FECH: variants seen among roughly 807,000 people sequenced by gnomAD.
The protein encoded by FECH is ferrochelatase.
In FECH, 40 loss-of-function variants were observed where a neutral mutation model predicts 56.9. The ratio of observed to expected loss-of-function variants is 0.70; its 90% CI spans 0.55 to 0.92. The LOEUF (loss-of-function observed/expected upper bound fraction) is 0.92. Among genes scored for constraint, FECH ranks in the 40% least tolerant of loss-of-function variants. The probability of loss-of-function intolerance (pLI) is 0.00; values close to 1 mark genes in which losing one functional copy is unlikely to be tolerated. For synonymous variants in FECH, 175 were observed against 198.6 expected, an observed-to-expected ratio of 0.88 and a Z score of 1.00; for missense variants, 431 against 529.1, an observed-to-expected ratio of 0.81 and a Z score of 1.82.
rs2051383666 is a variant in FECH at position 57,586,688 on chromosome 18, G to A, written c.-68C>T. On this transcript the variant is annotated 5_prime_UTR_variant, in exon 1 of 11. Coordinates refer to ENST00000262093, the MANE Select transcript of FECH (RefSeq NM_000140.5). ...GGCGCGCCCAGGTGTCCGCCCAGCA[G>A]TGGCCGAGCCGGGTAGCGATCCCCA... The A allele has an allele frequency of 7.1e-7, 1 of 1,407,216 alleles. No homozygotes were observed. Among genetic ancestry groups the A allele is most frequent in the Non-Finnish European group, 9.4e-7 (1 of 1,063,388 alleles). 87.2% of individuals were successfully genotyped at this position (1,407,216 alleles called of 1,614,324 possible). A position where few individuals can be genotyped will look rare whatever the true frequency, so the allele number is the denominator to read the frequency against.
Position 57,586,592 on chromosome 18 carries a change from G to T in FECH, c.29C>A (p.Ala10Glu). ...CAGGACGCCCGCGGCGCGCAGGGCC[G>T]CAGCCATGTTTGCGCCGAGTGAACG... is the stretch of plus-strand genomic sequence containing the variant. MRSLGANMAAALRAAGVLLR... is the reference protein window; with the variant it reads MRSLGANMAEALRAAGVLLR... The change falls in exon 1 of 11, where the codon GCG (alanine) becomes GAG (glutamate). Residue 10 changes from alanine (A) to glutamate (E), a missense_variant. Transcript: ENST00000262093. The T allele has an allele frequency of 1.3e-6, 2 of 1,521,406 alleles. No individual in the cohort carries two copies. Among genetic ancestry groups the T allele is most frequent in the South Asian group, 2.4e-5 (2 of 82,478 alleles). 94.2% of individuals were successfully genotyped at this position (1,521,406 alleles called of 1,614,324 possible).
At chr18:57,568,795 G>C (rs1428424434) in intron 4 of FECH, among the ~76,000 whole-genome samples, 1 of 152,198 alleles carries the variant, frequency 6.6e-6, no homozygotes, top group African/African-American at 2.4e-5. Flanking sequence ...ATTTGTACAT[G>C]ATTTTTTGAA....
chr18:57,571,353 G>A, intron 4 of FECH, 39 bp downstream of exon 4: 3 of 1,602,710 alleles, frequency 1.9e-6, no homozygotes, highest in Non-Finnish European at 2.6e-6. Context: ...TACTTCGAAA[G>A]AACTAATCTA....
intron 7 of FECH, among the ~76,000 whole-genome samples, chr18:57,556,383 T>C (rs1228830701): frequency 6.6e-6 from 1 of 152,116 alleles, no homozygotes; most frequent in Non-Finnish European, 1.5e-5. Flanking sequence ...AATTTTAGGA[T>C]GGATCAACAC....
intron 2 of FECH, among the ~76,000 whole-genome samples, chr18:57,579,697 T>C (rs896732214): frequency 9.2e-5 from 14 of 152,340 alleles, no homozygotes; most frequent in African/African-American, 3.4e-4. Context: ...CCTATAGAAA[T>C]TCTTGGTAGA....
intron 4 of FECH, among the ~76,000 whole-genome samples, chr18:57,569,041 C>T (rs2051056540): frequency 6.6e-6 from 1 of 152,168 alleles, no homozygotes; most frequent in African/African-American, 2.4e-5. Context: ...AAGCCAACAC[C>T]ATCAGAGAAA....
At chr18:57,558,003 C>T (rs2050890016) in intron 7 of FECH, among the ~76,000 whole-genome samples, 2 of 152,176 alleles carry the variant, frequency 1.3e-5, no homozygotes, top group South Asian at 2.1e-4. Flanking sequence ...AGCCTCCTAC[C>T]GTCCACACGA....
intron 9 of FECH, among the ~76,000 whole-genome samples, 159 bp from the exon 10 acceptor site, chr18:57,551,533 T>C (rs1226560203): frequency 1.8e-4 from 28 of 152,224 alleles, no homozygotes; most frequent in Admixed American, 1.8e-3. Flanking sequence ...TGAAAAATAC[T>C]CATGGGGCAG....
intron 4 of FECH, among the ~76,000 whole-genome samples, chr18:57,570,025 TTGTTGTCGTGTGTGTG>T (rs1472186701): frequency 8.8e-6 from 1 of 113,402 alleles, no homozygotes; most frequent in Non-Finnish European, 1.9e-5. Context: ...GTTGTTGTTG[TTGTTGTCGTGTGTGTG>T]TGTGTGTGTG....
At chr18:57,571,688 A>G (rs2051113188) in intron 3 of FECH, 148 bp from the exon 4 acceptor site, 1 of 1,061,318 alleles carries the variant, frequency 9.4e-7, no homozygotes, top group Middle Eastern at 3.1e-4. Flanking sequence ...GGTCATTGAC[A>G]ATAGCCAGCT....
In FECH at chr18:57,580,576, C is replaced by T. The variant is rs1047272704; in HGVS notation, c.68-377G>A. 1.1e-4 allele frequency among the ~76,000 whole-genome samples: 17 copies of T among 152,296 alleles called. 1 individual carries two copies. Among genetic ancestry groups the T allele is most frequent in the African/African-American group, 3.8e-4 (16 of 41,560 alleles). On this transcript the variant is annotated intron_variant, in intron 1 of 10. Coordinates refer to ENST00000262093, the MANE Select transcript of FECH (RefSeq NM_000140.5). ...GGGCTGCAGAAAAGTGAAAAGCCGC[C>T]GATTTCGGGAGTGGCGAGTGGGCCA...
chr18:57,577,805 A>G (rs2051204442), intron 2 of FECH, among the ~76,000 whole-genome samples: 1 of 152,208 alleles, frequency 6.6e-6, no homozygotes, highest in African/African-American at 2.4e-5. Flanking sequence ...CTGTAATCCC[A>G]GCACTCTGGG....
Position 57,562,890 on chromosome 18 carries a change from T to A in FECH, c.689A>T (p.His230Leu). ...KWSTIDRWPT[H>L]HLLIQCFADH... is the part of the protein sequence containing the mutation. ...CTGGCTTACCTGGATGAGGAGGTGA[T>A]GTGTGGGCCACCTGTCAATAGTGCT... Residue 230 changes from histidine (H) to leucine (L), a missense_variant, in exon 6 of 11, where the codon CAT (histidine) becomes CTT (leucine). Physicochemically the swap from His to Leu is moderately conservative, Grantham distance 99. Coordinates refer to ENST00000262093, the MANE Select transcript of FECH (RefSeq NM_000140.5). 1 of 1,614,010 alleles carries A rather than the reference T, an allele frequency of 6.2e-7. No individual in the cohort carries two copies. Among genetic ancestry groups the A allele is most frequent in the Non-Finnish European group, 8.5e-7 (1 of 1,179,912 alleles).
chr18:57,582,757 CAAAAAAAA>C (rs572019088), intron 1 of FECH, among the ~76,000 whole-genome samples: 1 of 122,098 alleles, frequency 8.2e-6, no homozygotes, highest in Non-Finnish European at 1.8e-5. Context: ...ACTAAAAATA[CAAAAAAAA>C]AAAAAAAATT....
chr18:57,565,547 A>C (rs2051004992), intron 5 of FECH, among the ~76,000 whole-genome samples: 1 of 151,988 alleles, frequency 6.6e-6, no homozygotes, highest in Non-Finnish European at 1.5e-5. Context: ...TGGAGGTTGC[A>C]ATGACAGAGC....
rs567877087 is a variant in FECH, at chr18:57,554,250, G to A, written c.1077+10C>T. On this transcript the variant is annotated intron_variant, in intron 9 of 10. Transcript: ENST00000262093. ...GTCATGATGGGAAAAAGGCAGATGGGTGCATTTACCTCCTTGGCTAAAACT... is the reference window on the plus strand; with the variant it reads ...GTCATGATGGGAAAAAGGCAGATGGATGCATTTACCTCCTTGGCTAAAACT... 2.7e-5 allele frequency: 44 copies of A among 1,614,154 alleles called. No homozygotes were observed. In the South Asian group the frequency reaches 4.5e-4, roughly 17 times the overall value.
rs1275786205 is a variant in FECH, at chr18:57,562,875, T to C, written c.704A>G (p.Gln235Arg). ...GGCAGCTGGCAAGCACTGGCTTACCTGGATGAGGAGGTGATGTGTGGGCCA... is the reference window on the plus strand; with the variant it reads ...GGCAGCTGGCAAGCACTGGCTTACCCGGATGAGGAGGTGATGTGTGGGCCA... Reference protein sequence around the residue: ...DRWPTHHLLIQCFADHILKEL... With the variant: ...DRWPTHHLLIRCFADHILKEL... Residue 235 changes from glutamine to arginine, a missense_variant and splice_region_variant, in exon 6 of 11, where the codon CAG (glutamine) becomes CGG (arginine). Transcript: ENST00000262093. The C allele has an allele frequency of 6.2e-7, 1 of 1,613,632 alleles. No homozygotes were observed. Among genetic ancestry groups the C allele is most frequent in the Non-Finnish European group, 8.5e-7 (1 of 1,179,608 alleles).
At chr18:57,568,300 G>A (rs2051045314) in intron 4 of FECH, among the ~76,000 whole-genome samples, 1 of 152,200 alleles carries the variant, frequency 6.6e-6, no homozygotes, top group African/African-American at 2.4e-5. Flanking sequence ...TGCATACTAA[G>A]AGGTAGAAAG....
At chr18:57,557,024 A>T (rs1441115207) in intron 7 of FECH, among the ~76,000 whole-genome samples, 2 of 150,744 alleles carry the variant, frequency 1.3e-5, no homozygotes, top group African/African-American at 2.4e-5. Context: ...ACAGTGTGGG[A>T]CCCTGGACTG....
Sources: allele counts gnomAD v4.1 joint callset (sites outside exome capture counted in the v4.1 genomes callset), GRCh38; gene constraint gnomAD v4.1.1; transcripts MANE v1.5; gene names NCBI Gene and HGNC (gene_info 2026-07-23, HGNC 2026-07-21).